UBE3D: variants seen among roughly 807,000 people sequenced by gnomAD.
The protein encoded by UBE3D is ubiquitin protein ligase E3D, also known as E3 ubiquitin-protein ligase E3D.
Under a neutral mutation model 49.6 loss-of-function variants are expected in UBE3D, and 48 were observed. The observed-to-expected ratio is 0.97, with a 90% CI of 0.77 to 1.23. UBE3D has a LOEUF of 1.23. Among genes scored for constraint, UBE3D ranks in the 50% most tolerant of loss-of-function variants. UBE3D has a pLI of 0.00. For synonymous variants in UBE3D, 189 were observed against 174.2 expected (o/e 1.08, Z -0.67); for missense variants, 452 against 468.4 (o/e 0.96, Z 0.32).
chr6:82,930,712 T>C (rs1774078200), intron 9 of UBE3D, among the ~76,000 whole-genome samples: 1 of 152,116 alleles, frequency 6.6e-6, no homozygotes, highest in Non-Finnish European at 1.5e-5. Flanking sequence ...ACTTTGAAGT[T>C]GAGAGATATG....
At chr6:82,985,784 C>A (rs1262862340) in intron 8 of UBE3D, among the ~76,000 whole-genome samples, 1 of 152,076 alleles carries the variant, frequency 6.6e-6, no homozygotes, top group Non-Finnish European at 1.5e-5. Context: ...ATTATAAATT[C>A]TACATTTCCT....
In UBE3D at chr6:82,899,621, G is replaced by C. The variant is rs150336392; in HGVS notation, c.1150-6579C>G. The stretch of plus-strand genomic sequence containing the variant: ...ATGTGGCAGAGGGAAGAGGACTACT[G>C]GTGCCTTTTCATCTCTAGATGGGGC... On this transcript the variant is annotated intron_variant, in intron 9 of 9. Coordinates refer to ENST00000369747, the MANE Select transcript of UBE3D (RefSeq NM_198920.3). 9.2e-5 allele frequency among the ~76,000 whole-genome samples: 14 copies of C among 152,294 alleles called. No individual in the cohort carries two copies. The East Asian group carries it at 2.7e-3, about 29-fold the overall frequency.
intron 8 of UBE3D, among the ~76,000 whole-genome samples, chr6:82,968,544 CTTTGA>C (rs2127701610): frequency 6.6e-6 from 1 of 152,124 alleles, no homozygotes; most frequent in Non-Finnish European, 1.5e-5. Flanking sequence ...CATTCTGGTA[CTTTGA>C]TTTGTTTGGA....
chr6:83,034,232 A>C (rs1241582941), intron 5 of UBE3D, among the ~76,000 whole-genome samples: 1 of 152,212 alleles, frequency 6.6e-6, no homozygotes, highest in Admixed American at 6.5e-5. Context: ...ATACCACCCC[A>C]CACACAAACT....
intron 9 of UBE3D, among the ~76,000 whole-genome samples, chr6:82,919,987 C>G (rs537746642): frequency 6.6e-6 from 1 of 152,106 alleles, no homozygotes; most frequent in South Asian, 2.1e-4. Flanking sequence ...CAAGTATCAC[C>G]GAATGAAATT....
chr6:82,965,484 G>A (rs1243934648), intron 8 of UBE3D, among the ~76,000 whole-genome samples: 3 of 151,158 alleles, frequency 2.0e-5, no homozygotes, highest in African/African-American at 7.3e-5. Context: ...TCGGGAGACT[G>A]AGGCAGGAGA....
intron 8 of UBE3D, among the ~76,000 whole-genome samples, chr6:82,959,717 CAAAAAAA>C (rs778278435): frequency 0.032 from 1,221 of 37,650 alleles, 11 homozygotes; most frequent in Non-Finnish European, 0.042. Context: ...GTGAGACCTC[CAAAAAAA>C]AAAAAAAAAA....
At chr6:82,905,701 G>T (rs573870254) in intron 9 of UBE3D, among the ~76,000 whole-genome samples, 1 of 152,074 alleles carries the variant, frequency 6.6e-6, no homozygotes. Flanking sequence ...AACAAGGCCC[G>T]CAAGACACAG....
the UBE3D span, among the ~76,000 whole-genome samples, chr6:82,880,803 T>A: frequency 6.6e-6 from 1 of 152,158 alleles, no homozygotes; most frequent in Admixed American, 6.6e-5. Context: ...CTCCATGGCT[T>A]ACAAACAATA....
intron 8 of UBE3D, among the ~76,000 whole-genome samples, chr6:82,981,537 T>C (rs964017298): frequency 2.0e-5 from 3 of 151,966 alleles, no homozygotes; most frequent in South Asian, 2.1e-4. Context: ...TTTGGAGTCC[T>C]GTCAATGAAG....
intron 8 of UBE3D, among the ~76,000 whole-genome samples, chr6:82,963,406 G>C (rs1582481269): frequency 6.6e-6 from 1 of 152,018 alleles, no homozygotes; most frequent in African/African-American, 2.4e-5. Flanking sequence ...TAGAGAAACA[G>C]AACTAATAAG....
At chr6:83,059,574 G>C (rs538181731) in intron 1 of UBE3D, among the ~76,000 whole-genome samples, 1 of 152,298 alleles carries the variant, frequency 6.6e-6, no homozygotes, top group East Asian at 1.9e-4. Context: ...AGTGCCGCAA[G>C]AGATACCACT....
At chr6:83,043,287 A>G (rs1419872426) in intron 4 of UBE3D, among the ~76,000 whole-genome samples, 1 of 152,054 alleles carries the variant, frequency 6.6e-6, no homozygotes, top group Non-Finnish European at 1.5e-5. Context: ...GTATAGCTTA[A>G]TCATAAAGAT....
At chr6:82,997,458 G>A (rs774216397) in intron 8 of UBE3D, among the ~76,000 whole-genome samples, 3 of 152,292 alleles carry the variant, frequency 2.0e-5, no homozygotes, top group South Asian at 2.1e-4. Flanking sequence ...AGTGGCTCAC[G>A]CCTGTAATCC....
At position 82,923,525 on chromosome 6, in the gene UBE3D, C is replaced by T. The variant is rs539178003; in HGVS notation, c.1150-30483G>A. 1.7e-3 allele frequency among the ~76,000 whole-genome samples: 259 copies of T among 152,016 alleles called. 2 individuals are homozygous for T. Among genetic ancestry groups the T allele is most frequent in the African/African-American group, 5.2e-3 (216 of 41,448 alleles). On this transcript the variant is annotated intron_variant, in intron 9 of 9. Transcript: ENST00000369747. ...GTTGAACAATGAGAACACATGGACA[C>T]AGAGAGGGGAACATCACACACCAGA...
At chr6:82,899,261 A>G (rs553210809) in intron 9 of UBE3D, among the ~76,000 whole-genome samples, 1 of 152,316 alleles carries the variant, frequency 6.6e-6, no homozygotes, top group African/African-American at 2.4e-5. Flanking sequence ...CCAATGAGGA[A>G]GAAGATCCTG....
rs535123123 is a variant in UBE3D, at chr6:82,973,542, A to T, written c.1011-16092T>A. ...TTCATTGAAACTTCCGAAGGCCACT[A>T]TTTTTTATTAAAAATGATAGAATTC... is the stretch of plus-strand genomic sequence containing the variant. On this transcript the variant is annotated intron_variant, in intron 8 of 9. Transcript: ENST00000369747. Among the ~76,000 whole-genome samples, 526 of 144,672 alleles carry T rather than the reference A, an allele frequency of 3.6e-3. 17 individuals are homozygous for T. In the South Asian group the frequency reaches 0.072, roughly 20 times the overall value. 94.9% of individuals were successfully genotyped at this position (144,672 alleles called of 152,430 possible). A position where few individuals can be genotyped will look rare whatever the true frequency, so the allele number is the denominator to read the frequency against.
intron 9 of UBE3D, among the ~76,000 whole-genome samples, chr6:82,937,165 T>C (rs146258660): frequency 0.01 from 1,580 of 152,282 alleles, 13 homozygotes; most frequent in Admixed American, 0.018. Flanking sequence ...ATACCTCTTC[T>C]ATTCTAAATA....
chr6:82,897,696 A>T (rs551977203), intron 9 of UBE3D, among the ~76,000 whole-genome samples: 62 of 152,356 alleles, frequency 4.1e-4, no homozygotes, highest in Non-Finnish European at 6.5e-4. Flanking sequence ...AAATAAAATT[A>T]AAAACTACAA....
Sources: gnomAD v4.1 joint callset for allele counts (sites outside exome capture counted in the v4.1 genomes callset) on GRCh38, gnomAD v4.1.1 for gene constraint, MANE v1.5 for transcripts, NCBI Gene and HGNC (gene_info 2026-07-23, HGNC 2026-07-21) for gene names.